NTRK3: variants seen among roughly 807,000 people sequenced by gnomAD.
NTRK3 encodes the protein neurotrophic receptor tyrosine kinase 3.
In NTRK3, 24 loss-of-function variants were observed where a neutral mutation model predicts 91.7. The ratio of observed to expected loss-of-function variants is 0.26; its 90% CI spans 0.19 to 0.37. The LOEUF (loss-of-function observed/expected upper bound fraction) is 0.37. NTRK3 is among the 10% of genes least tolerant of loss of function. NTRK3 has a pLI of 1.00. For missense variants in NTRK3, 880 were observed against 1,068.9 expected, an observed-to-expected ratio of 0.82 and a Z score of 2.46; for synonymous variants, 483 against 404.0, an observed-to-expected ratio of 1.20 and a Z score of -2.34.
chr15:88,218,978 G>A (rs1598018520), intron 3 of NTRK3, among the ~76,000 whole-genome samples: 1 of 152,192 alleles, frequency 6.6e-6, no homozygotes, highest in East Asian at 1.9e-4. Context: ...TCACCCACGT[G>A]GTCTCTCACA....
intron 4 of NTRK3, among the ~76,000 whole-genome samples, chr15:88,183,705 G>C (rs566938319): frequency 1.1e-3 from 163 of 152,314 alleles, no homozygotes; most frequent in African/African-American, 3.8e-3. Context: ...AGGCTGGGAG[G>C]TCAGGGGTCA....
intron 14 of NTRK3, among the ~76,000 whole-genome samples, chr15:87,949,707 C>T (rs1394903286): frequency 2.0e-5 from 3 of 152,204 alleles, no homozygotes; most frequent in African/African-American, 7.2e-5. Context: ...CTCCCTACCA[C>T]AGTACGCCTG....
rs547382622 is a variant in NTRK3, at chr15:88,158,822, G to A, written c.396-11419C>T. ...TGGCGTGGGAGCTGACTACCCCAGA[G>A]AGGCGCCAGCACATGATGTGCTGAT... On this transcript the variant is annotated intron_variant, in intron 5 of 18. Transcript: ENST00000394480. Among the ~76,000 whole-genome samples the A allele has an allele frequency of 4.6e-5, 7 of 152,266 alleles. No individual in the cohort carries two copies. In the East Asian group the frequency reaches 1.4e-3, roughly 30 times the overall value.
intron 14 of NTRK3, among the ~76,000 whole-genome samples, chr15:88,027,424 C>A (rs951513041): frequency 6.6e-6 from 1 of 152,164 alleles, no homozygotes; most frequent in African/African-American, 2.4e-5. Flanking sequence ...GCTCTGTCGC[C>A]CAGGCTGCAG....
At chr15:88,089,226 T>A (rs2048786693) in intron 13 of NTRK3, among the ~76,000 whole-genome samples, 1 of 152,216 alleles carries the variant, frequency 6.6e-6, no homozygotes, top group Non-Finnish European at 1.5e-5. Context: ...TTCCTGGCTT[T>A]GTGCCTGGAG....
chr15:88,242,792 C>T lies in NTRK3; in HGVS notation c.248+13114G>A, dbSNP rs913143460. 3.9e-5 allele frequency among the ~76,000 whole-genome samples: 6 copies of T among 152,220 alleles called. No individual in the cohort carries two copies. The South Asian group carries it at 8.3e-4, about 21-fold the overall frequency. On this transcript the variant is annotated intron_variant, in intron 3 of 18. Coordinates refer to ENST00000394480, the Ensembl canonical transcript of NTRK3. Reference sequence around the variant, plus strand: ...TGCTAGGATGGGCTTTGGCAAACAGCAAGGCAGGCGGCCAGACACCTGGGC... The same window carrying T: ...TGCTAGGATGGGCTTTGGCAAACAGTAAGGCAGGCGGCCAGACACCTGGGC...
At chr15:88,160,235 A>C (rs1463806861) in intron 5 of NTRK3, among the ~76,000 whole-genome samples, 1 of 152,116 alleles carries the variant, frequency 6.6e-6, no homozygotes, top group Non-Finnish European at 1.5e-5. Flanking sequence ...GAGCAGAGAG[A>C]GGGAAGAGAC....
intron 10 of NTRK3, among the ~76,000 whole-genome samples, chr15:88,132,425 T>A (rs775728308): frequency 6.6e-6 from 1 of 152,192 alleles, no homozygotes; most frequent in Non-Finnish European, 1.5e-5. Flanking sequence ...GAAGTGATTG[T>A]CCTCCATCTA....
At chr15:87,895,519 G>C (rs2066067516) in intron 17 of NTRK3, among the ~76,000 whole-genome samples, 1 of 152,110 alleles carries the variant, frequency 6.6e-6, no homozygotes, top group Admixed American at 6.5e-5. Flanking sequence ...AAATCAAAAT[G>C]TTTTACCCCA....
chr15:88,043,834 C>CT (rs1408580046), intron 13 of NTRK3, among the ~76,000 whole-genome samples: 1 of 152,116 alleles, frequency 6.6e-6, no homozygotes, highest in Non-Finnish European at 1.5e-5. Flanking sequence ...AACTTGGGGT[C>CT]TTATAGGCAC....
At chr15:88,134,838 T>G (rs16941326) in intron 10 of NTRK3, among the ~76,000 whole-genome samples, 1,938 of 152,356 alleles carry the variant, frequency 0.013, 55 homozygotes, top group African/African-American at 0.043. Context: ...CTCTGCTTTC[T>G]CTACTATCAT....
intron 14 of NTRK3, among the ~76,000 whole-genome samples, chr15:88,004,169 G>T (rs527877491): frequency 6.6e-6 from 1 of 152,144 alleles, no homozygotes; most frequent in South Asian, 2.1e-4. Context: ...AATTTGTCCA[G>T]TATCACTCCT....
intron 3 of NTRK3, among the ~76,000 whole-genome samples, chr15:88,193,947 G>T (rs114320212): frequency 6.6e-6 from 1 of 151,998 alleles, no homozygotes; most frequent in Non-Finnish European, 1.5e-5. Flanking sequence ...CTTCTTCCTC[G>T]CCTCCCTTTG....
intron 3 of NTRK3, among the ~76,000 whole-genome samples, chr15:88,206,410 G>A (rs1296806200): frequency 6.8e-6 from 1 of 147,814 alleles, no homozygotes; most frequent in Non-Finnish European, 1.5e-5. Flanking sequence ...TGTAATCCCA[G>A]CACTTTGGAA....
At chr15:88,200,808 C>G (rs928996105) in intron 3 of NTRK3, among the ~76,000 whole-genome samples, 1 of 152,204 alleles carries the variant, frequency 6.6e-6, no homozygotes, top group African/African-American at 2.4e-5. Flanking sequence ...AGCCCTCCCT[C>G]CAAGCCTACT....
intron 14 of NTRK3, among the ~76,000 whole-genome samples, chr15:88,026,562 T>C (rs1407857423): frequency 1.3e-5 from 2 of 152,216 alleles, no homozygotes; most frequent in Admixed American, 6.5e-5. Context: ...GGTGGATACA[T>C]GACACTATGC....
intron 14 of NTRK3, among the ~76,000 whole-genome samples, chr15:88,011,008 A>C (rs768392078): frequency 1.3e-5 from 2 of 152,186 alleles, no homozygotes; most frequent in African/African-American, 4.8e-5. Flanking sequence ...GATAAAAAAA[A>C]ATCCATCCTT....
In NTRK3 at chr15:88,003,409, C is replaced by G. The variant is rs72756154; in HGVS notation, c.1585+29448G>C. 5.3e-3 allele frequency among the ~76,000 whole-genome samples: 804 copies of G among 152,344 alleles called. 4 individuals carry two copies. The highest frequency in any genetic ancestry group is 0.02 in the Middle Eastern group (6 of 294). On this transcript the variant is annotated intron_variant, in intron 14 of 18. Transcript: ENST00000394480. The stretch of plus-strand genomic sequence containing the variant: ...ATTCTTGACTGGCATGATCTGAGAG[C>G]TAACTTTGCACCAGGCACTGTTTTG...
At chr15:87,898,767 C>A (rs557837353) in intron 17 of NTRK3, among the ~76,000 whole-genome samples, 1 of 148,974 alleles carries the variant, frequency 6.7e-6, no homozygotes, top group African/African-American at 2.5e-5. Flanking sequence ...AGGTGAATCA[C>A]CTGAGGTCTG....
Sources: gnomAD v4.1 joint callset for allele counts (sites outside exome capture counted in the v4.1 genomes callset) on GRCh38, gnomAD v4.1.1 for gene constraint, MANE v1.5 for transcripts, NCBI Gene and HGNC (gene_info 2026-07-23, HGNC 2026-07-21) for gene names.